The following ITPR1 variants were observed in gnomAD, a reference collection of about 807,000 sequenced individuals.
ITPR1 encodes the protein inositol 1,4,5-trisphosphate-gated calcium channel ITPR1.
Under a neutral mutation model 318.4 loss-of-function variants are expected in ITPR1, and 96 were observed. The ratio of observed to expected loss-of-function variants is 0.30; its 90% CI spans 0.26 to 0.36. The LOEUF (loss-of-function observed/expected upper bound fraction) is 0.36. ITPR1 is among the 10% of genes least tolerant of loss of function. The pLI, the probability that ITPR1 is intolerant of heterozygous loss-of-function variation, is 1.00. For synonymous variants in ITPR1, 1,312 were observed against 1,289.9 expected (o/e 1.02, Z -0.37); for missense variants, 2,440 against 3,460.2 (o/e 0.71, Z 7.40).
At chr3:4,738,045 C>A (rs1217718110) in intron 44 of ITPR1, among the ~76,000 whole-genome samples, 1 of 152,054 alleles carries the variant, frequency 6.6e-6, no homozygotes, top group African/African-American at 2.4e-5. Flanking sequence ...GGAACGACGC[C>A]CACTGGGGCT....
chr3:4,814,178 T>A (rs1575351122), intron 57 of ITPR1: 2 of 493,418 alleles, frequency 4.1e-6, no homozygotes, highest in East Asian at 7.9e-5. Flanking sequence ...AGGGCATGTT[T>A]TAGATCCCAC....
chr3:4,670,312 C>G (rs912529719), intron 19 of ITPR1, among the ~76,000 whole-genome samples: 4 of 152,196 alleles, frequency 2.6e-5, no homozygotes, highest in African/African-American at 9.7e-5. Context: ...TTCATTGATT[C>G]ACATGTATAA....
At chr3:4,585,274 A>G (rs938981340) in intron 4 of ITPR1, among the ~76,000 whole-genome samples, 1 of 152,318 alleles carries the variant, frequency 6.6e-6, no homozygotes, top group Admixed American at 6.5e-5. Context: ...CTCTATATAG[A>G]ATATACAGAA....
intron 12 of ITPR1, among the ~76,000 whole-genome samples, chr3:4,657,403 T>G (rs984607786): frequency 6.6e-6 from 1 of 151,564 alleles, no homozygotes; most frequent in African/African-American, 2.4e-5. Context: ...TTTTGTTTTT[T>G]TTTTTTAATC....
chr3:4,543,876 C>T (rs1394107351), intron 4 of ITPR1, among the ~76,000 whole-genome samples: 1 of 152,200 alleles, frequency 6.6e-6, no homozygotes, highest in Non-Finnish European at 1.5e-5. Flanking sequence ...TAGTGAAAGT[C>T]TCAAAATCGT....
At chr3:4,589,783 C>G (rs892219861) in intron 4 of ITPR1, among the ~76,000 whole-genome samples, 6 of 151,882 alleles carry the variant, frequency 4.0e-5, no homozygotes, top group African/African-American at 9.7e-5. Context: ...AAATGCAAAA[C>G]GAACAAAACA....
intron 4 of ITPR1, among the ~76,000 whole-genome samples, chr3:4,529,247 G>T (rs2083223308): frequency 6.6e-6 from 1 of 152,150 alleles, no homozygotes; most frequent in South Asian, 2.1e-4. Flanking sequence ...TGCTAATGGA[G>T]AACCATTTTC....
intron 4 of ITPR1, among the ~76,000 whole-genome samples, chr3:4,549,835 T>C (rs1276889674): frequency 6.6e-6 from 1 of 152,058 alleles, no homozygotes; most frequent in Non-Finnish European, 1.5e-5. Context: ...CCCATGGAGG[T>C]GATTCTGACT....
chr3:4,587,291 T>C (rs1338957883), intron 4 of ITPR1, among the ~76,000 whole-genome samples: 1 of 150,446 alleles, frequency 6.6e-6, no homozygotes, highest in Non-Finnish European at 1.5e-5. Context: ...TTTTTTTTTT[T>C]GAGTCAGAAT....
intron 11 of ITPR1, among the ~76,000 whole-genome samples, chr3:4,652,953 A>C (rs1192593641): frequency 2.6e-5 from 4 of 152,186 alleles, no homozygotes; most frequent in Admixed American, 1.3e-4. Flanking sequence ...GCACCACTGC[A>C]GTCCAGCTTG....
intron 44 of ITPR1, among the ~76,000 whole-genome samples, chr3:4,758,734 G>A (rs1475503989): frequency 6.6e-6 from 1 of 152,198 alleles, no homozygotes. Context: ...TAGGCAGAGC[G>A]TGCCTGGAGA....
intron 20 of ITPR1, chr3:4,671,456 TC>T (rs1305943828): frequency 6.6e-6 from 1 of 152,288 alleles, no homozygotes; most frequent in Non-Finnish European, 1.5e-5. Context: ...CACTAATACT[TC>T]CAATTCCATT....
chr3:4,513,955 T>A (rs1575371377), intron 2 of ITPR1, among the ~76,000 whole-genome samples: 1 of 151,994 alleles, frequency 6.6e-6, no homozygotes, highest in Non-Finnish European at 1.5e-5. Flanking sequence ...GGCATGGCGG[T>A]GGGTGCCTGT....
chr3:4,780,781 C>T lies in ITPR1; in HGVS notation c.6387+1136C>T, dbSNP rs193182369. Among the ~76,000 whole-genome samples, 304 of 152,218 alleles carry T rather than the reference C, an allele frequency of 2.0e-3. 4 individuals are homozygous for T. Among genetic ancestry groups the T allele is most frequent in the African/African-American group, 5.0e-3 (206 of 41,528 alleles). On this transcript the variant is annotated intron_variant, in intron 49 of 61. Coordinates refer to ENST00000649015, the MANE Select transcript of ITPR1 (RefSeq NM_001378452.1). Reference sequence around the variant, plus strand: ...ATGTAACTGGGGATCACTGGGGAGGCGAGGTTTGTCATTCTTGAGCAGGGA... The same window carrying T: ...ATGTAACTGGGGATCACTGGGGAGGTGAGGTTTGTCATTCTTGAGCAGGGA...
At chr3:4,812,740 T>G (rs2049021758) in intron 56 of ITPR1, among the ~76,000 whole-genome samples, 1 of 152,224 alleles carries the variant, frequency 6.6e-6, no homozygotes, top group Non-Finnish European at 1.5e-5. Flanking sequence ...AAGTGACATT[T>G]ACTGCCAGCC....
Position 4,680,597 on chromosome 3 carries a change from G to A in ITPR1, c.3012G>A (p.Leu1004=), listed in dbSNP as rs2094278438. The A allele has an allele frequency of 3.7e-6, 6 of 1,613,196 alleles. No individual in the cohort carries two copies. The highest frequency in any genetic ancestry group is 4.2e-6 in the Non-Finnish European group (5 of 1,179,186). ...TGGATTATAGGATCTCCTGCCTCCT[G>A]TGTATATTTAAGCGAGAGTTTGATG... ...VRLDYRISCL[L]CIFKREFDES... is the part of the protein sequence containing the mutation. The change falls in exon 25 of 62, where the codon CTG becomes CTA. Residue 1004 remains leucine, a synonymous_variant. Coordinates refer to ENST00000649015, the MANE Select transcript of ITPR1 (RefSeq NM_001378452.1).
intron 19 of ITPR1, 147 bp from the exon 20 acceptor site, chr3:4,670,582 T>C: frequency 1.6e-6 from 1 of 644,746 alleles, no homozygotes; most frequent in Non-Finnish European, 2.8e-6. Flanking sequence ...TATATGAAGA[T>C]GTTAATGTCA....
intron 46 of ITPR1, among the ~76,000 whole-genome samples, chr3:4,771,727 T>A (rs2046200721): frequency 6.6e-6 from 1 of 151,928 alleles, no homozygotes; most frequent in South Asian, 2.1e-4. Flanking sequence ...GTATAGTATA[T>A]TTTAACATAT....
At chr3:4,657,755 G>A (rs193168653) in intron 12 of ITPR1, among the ~76,000 whole-genome samples, 9 of 152,050 alleles carry the variant, frequency 5.9e-5, no homozygotes, top group African/African-American at 2.2e-4. Context: ...TTGAGCCACT[G>A]CAGCCAGCCT....
Sources: gnomAD v4.1 joint callset for allele counts (sites outside exome capture counted in the v4.1 genomes callset) on GRCh38, gnomAD v4.1.1 for gene constraint, MANE v1.5 for transcripts, NCBI Gene and HGNC (gene_info 2026-07-23, HGNC 2026-07-21) for gene names.